The following LRP1B variants were observed in gnomAD, a reference collection of about 807,000 sequenced individuals.
LRP1B encodes the protein LDL receptor related protein 1B.
Under a neutral mutation model 556.6 loss-of-function variants are expected in LRP1B, and 217 were observed. The observed-to-expected ratio is 0.39, with a 90% CI of 0.35 to 0.44. The LOEUF (loss-of-function observed/expected upper bound fraction) is 0.44. Ranked by LOEUF, LRP1B falls within the 20% of genes least tolerant of loss-of-function variation. The probability of loss-of-function intolerance (pLI) is 1.00; values close to 1 mark genes in which losing one functional copy is unlikely to be tolerated. For synonymous variants in LRP1B, 2,047 were observed against 1,865.8 expected (o/e 1.10, Z -2.50); for missense variants, 5,053 against 5,620.8 (o/e 0.90, Z 3.23).
At chr2:141,881,096 G>T (rs911888113) in intron 1 of LRP1B, among the ~76,000 whole-genome samples, 7 of 151,732 alleles carry the variant, frequency 4.6e-5, no homozygotes, top group African/African-American at 1.5e-4. Context: ...AAGGTAAAAA[G>T]GTTTAAAGAA....
At chr2:141,280,767 GA>G (rs1282245605) in intron 3 of LRP1B, among the ~76,000 whole-genome samples, 2 of 151,760 alleles carry the variant, frequency 1.3e-5, no homozygotes, top group Non-Finnish European at 2.9e-5. Context: ...ATTTTATTAA[GA>G]AAACAAAGTG....
intron 43 of LRP1B, among the ~76,000 whole-genome samples, chr2:140,570,205 G>C (rs1681273788): frequency 6.7e-6 from 1 of 149,928 alleles, no homozygotes; most frequent in Non-Finnish European, 1.5e-5. Context: ...AAATGAAATT[G>C]AAAATAAAAA....
At chr2:141,844,942 T>A (rs1697594426) in intron 1 of LRP1B, among the ~76,000 whole-genome samples, 1 of 151,930 alleles carries the variant, frequency 6.6e-6, no homozygotes, top group South Asian at 2.1e-4. Flanking sequence ...AATTTCTTCA[T>A]GTTTGCCTTA....
chr2:140,817,783 T>C (rs1335650137), intron 31 of LRP1B, among the ~76,000 whole-genome samples: 2 of 149,842 alleles, frequency 1.3e-5, no homozygotes, highest in African/African-American at 2.4e-5. Context: ...AGTTAAAAAA[T>C]TGCAAAAGTA....
intron 20 of LRP1B, 52 bp from the exon 21 acceptor site, chr2:140,923,199 A>G (rs998085495): frequency 1.4e-6 from 2 of 1,384,882 alleles, no homozygotes; most frequent in African/African-American, 2.9e-5. Context: ...ACAGGAGAGA[A>G]ATTATGATTT....
At chr2:141,309,324 G>A (rs13424853) in intron 3 of LRP1B, among the ~76,000 whole-genome samples, 80,741 of 152,116 alleles carry the variant, frequency 0.53, 22,425 homozygotes, top group Middle Eastern at 0.62. Context: ...ATTCTTATGG[G>A]CTTGGTTTTG....
At chr2:141,763,471 A>G (rs1031672060) in intron 2 of LRP1B, among the ~76,000 whole-genome samples, 2 of 152,174 alleles carry the variant, frequency 1.3e-5, no homozygotes, top group African/African-American at 4.8e-5. Flanking sequence ...AAAACTTTCA[A>G]AGAAGAAACA....
intron 21 of LRP1B, among the ~76,000 whole-genome samples, chr2:140,910,601 T>A (rs1305705883): frequency 6.6e-6 from 1 of 151,856 alleles, no homozygotes; most frequent in Non-Finnish European, 1.5e-5. Flanking sequence ...AGCATATTTT[T>A]AAAAAATACA....
intron 2 of LRP1B, among the ~76,000 whole-genome samples, chr2:141,546,619 A>C (rs903007089): frequency 1.1e-4 from 17 of 152,192 alleles, no homozygotes; most frequent in Non-Finnish European, 2.4e-4. Context: ...GGAATTACAT[A>C]TCATTTACCA....
chr2:140,264,229 TTGG>T (rs1682083126), intron 86 of LRP1B, among the ~76,000 whole-genome samples: 1 of 151,076 alleles, frequency 6.6e-6, no homozygotes, highest in African/African-American at 2.5e-5. Context: ...TTTTGTTTTT[TTGG>T]TTTGTTTATT....
At position 141,852,129 on chromosome 2, in the gene LRP1B, A is replaced by G. The variant is rs539181632; in HGVS notation, c.83-41728T>C. 3.3e-5 allele frequency among the ~76,000 whole-genome samples: 5 copies of G among 151,880 alleles called. No homozygotes were observed. The East Asian group carries it at 5.8e-4, about 18-fold the overall frequency. ...TGTTCTAGAATAGGTAGTTGTGATTAATAAAGGGGTTAACGGTATGGTCAG... is the reference window on the plus strand; with the variant it reads ...TGTTCTAGAATAGGTAGTTGTGATTGATAAAGGGGTTAACGGTATGGTCAG... On this transcript the variant is annotated intron_variant, in intron 1 of 90. Coordinates refer to ENST00000389484, the MANE Select transcript of LRP1B (RefSeq NM_018557.3).
At chr2:141,696,402 ATAAT>A (rs1324102874) in intron 2 of LRP1B, among the ~76,000 whole-genome samples, 1 of 151,984 alleles carries the variant, frequency 6.6e-6, no homozygotes, top group Non-Finnish European at 1.5e-5. Context: ...AAATAAATAA[ATAAT>A]TCTGCAACCA....
chr2:140,889,030 T>C (rs1693724437), intron 23 of LRP1B, among the ~76,000 whole-genome samples: 1 of 150,468 alleles, frequency 6.6e-6, no homozygotes, highest in South Asian at 2.1e-4. Flanking sequence ...AGTAAAATTA[T>C]ACCTTCCGAT....
At chr2:141,139,159 A>T (rs1701567284) in intron 7 of LRP1B, among the ~76,000 whole-genome samples, 1 of 151,932 alleles carries the variant, frequency 6.6e-6, no homozygotes, top group Admixed American at 6.6e-5. Flanking sequence ...AAATATTCTT[A>T]GATTCATGCC....
intron 3 of LRP1B, among the ~76,000 whole-genome samples, chr2:141,400,011 G>C (rs1251013603): frequency 1.3e-5 from 2 of 151,954 alleles, no homozygotes; most frequent in African/African-American, 4.8e-5. Flanking sequence ...TTTGAGACAG[G>C]GTCTCATTTT....
intron 35 of LRP1B, among the ~76,000 whole-genome samples, chr2:140,741,935 T>C (rs777276888): frequency 1.4e-4 from 21 of 152,332 alleles, no homozygotes; most frequent in Non-Finnish European, 3.1e-4. Context: ...GCAAAGGACA[T>C]GATCTCATTC....
At chr2:141,911,706 G>C (rs980026768) in intron 1 of LRP1B, among the ~76,000 whole-genome samples, 4 of 152,154 alleles carry the variant, frequency 2.6e-5, no homozygotes, top group Non-Finnish European at 5.9e-5. Flanking sequence ...ACATCACTTA[G>C]ATACATAAGT....
At chr2:141,901,600 G>C (rs1431662975) in intron 1 of LRP1B, among the ~76,000 whole-genome samples, 1 of 151,724 alleles carries the variant, frequency 6.6e-6, no homozygotes, top group Non-Finnish European at 1.5e-5. Context: ...TTTCAGAACT[G>C]AAAAATGATC....
chr2:140,994,946 T>C (rs1284382643), intron 15 of LRP1B, among the ~76,000 whole-genome samples: 1 of 151,952 alleles, frequency 6.6e-6, no homozygotes, highest in Non-Finnish European at 1.5e-5. Flanking sequence ...AGTATTCTAC[T>C]GGGTGAAAGT....
Sources: gnomAD v4.1 joint callset for allele counts (sites outside exome capture counted in the v4.1 genomes callset) on GRCh38, gnomAD v4.1.1 for gene constraint, MANE v1.5 for transcripts, NCBI Gene and HGNC (gene_info 2026-07-23, HGNC 2026-07-21) for gene names.